Variants in PCDHGB7 observed in about 807,000 individuals in gnomAD.
The protein encoded by PCDHGB7 is protocadherin gamma subfamily B, 7, also known as protocadherin gamma-B7.
PCDHGB7 carries 37 observed loss-of-function variants against 61.4 expected under a neutral mutation model. The ratio of observed to expected loss-of-function variants is 0.60; its 90% CI spans 0.46 to 0.79. The LOEUF (loss-of-function observed/expected upper bound fraction) is 0.79. Ranked by LOEUF, PCDHGB7 falls within the 30% of genes least tolerant of loss-of-function variation. The pLI is 0.00. For synonymous variants in PCDHGB7, 464 were observed against 503.5 expected (o/e 0.92, Z 1.05); for missense variants, 1,166 against 1,202.5 (o/e 0.97, Z 0.45).
Position 141,489,343 on chromosome 5 carries a change from G to A in PCDHGB7, c.2416-5464G>A, listed in dbSNP as rs377697321. On this transcript the variant is annotated intron_variant, in intron 1 of 3. Coordinates refer to ENST00000398594, the MANE Select transcript of PCDHGB7 (RefSeq NM_018927.4). This position sits in a 1 kb window ranked among gnomAD's most constrained non-coding sequence, Gnocchi z 4.5. ...GGTGTCTGGGCAGCTTCGTTACTCA[G>A]TGGTGGAGGAGTCTGAGCCGGGGAC... The A allele has an allele frequency of 5.6e-6, 9 of 1,611,264 alleles. No individual in the cohort carries two copies. Among genetic ancestry groups the A allele is most frequent in the Non-Finnish European group, 7.6e-6 (9 of 1,178,202 alleles).
chr5:141,454,796 ATTTTTTTTTTTTTTTTTT>A (rs61612330), intron 1 of PCDHGB7, among the ~76,000 whole-genome samples: 1 of 77,408 alleles, frequency 1.3e-5, no homozygotes, highest in Non-Finnish European at 2.3e-5. Flanking sequence ...CATGGTTCTA[ATTTTTTTTTTTTTTTTTT>A]TTTTTTTTTT....
At chr5:141,436,105 A>G (rs2097796181) in intron 1 of PCDHGB7, among the ~76,000 whole-genome samples, 2 of 152,198 alleles carry the variant, frequency 1.3e-5, no homozygotes, top group African/African-American at 4.8e-5. Context: ...GAAATAGAGG[A>G]CAATGAAACC....
At position 141,485,671 on chromosome 5, in the gene PCDHGB7, G is replaced by T; in HGVS notation, c.2416-9136G>T. On this transcript the variant is annotated intron_variant, in intron 1 of 3. Coordinates refer to ENST00000398594, the MANE Select transcript of PCDHGB7 (RefSeq NM_018927.4). This position sits in a 1 kb window ranked among gnomAD's most constrained non-coding sequence, Gnocchi z 5.7. The stretch of plus-strand genomic sequence containing the variant: ...AGGATGCAGATGTGGGGAGCAATTC[G>T]ATTAGCAGCTATAGGCTGAGCTCCA... 6.2e-7 allele frequency: 1 copy of T among 1,612,860 alleles called. No homozygotes were observed. The highest frequency in any genetic ancestry group is 8.5e-7 in the Non-Finnish European group (1 of 1,179,040).
chr5:141,426,768 G>A (rs2096959269), intron 1 of PCDHGB7: 1 of 456,516 alleles, frequency 2.2e-6, no homozygotes, highest in Non-Finnish European at 4.4e-6. Flanking sequence ...TGCAGATGTA[G>A]GGCCTCACTC....
intron 1 of PCDHGB7, among the ~76,000 whole-genome samples, chr5:141,444,466 C>A (rs539222916): frequency 1.3e-5 from 2 of 151,982 alleles, no homozygotes; most frequent in African/African-American, 4.8e-5. Flanking sequence ...TCACTGCGCC[C>A]GGTCGCGTAC....
At chr5:141,464,976 A>G (rs2154568682) in intron 1 of PCDHGB7, among the ~76,000 whole-genome samples, 1 of 152,214 alleles carries the variant, frequency 6.6e-6, no homozygotes, top group East Asian at 1.9e-4. Flanking sequence ...TACTGGCTTC[A>G]AGTGATCCTC....
rs2154594699 is a variant in PCDHGB7 at position 141,512,507 on chromosome 5, C to T, written c.*1334C>T. 6.5e-6 allele frequency: 1 copy of T among 153,048 alleles called. No individual in the cohort carries two copies. Among genetic ancestry groups the T allele is most frequent in the South Asian group, 2.1e-4 (1 of 4,836 alleles). 9.5% of individuals were successfully genotyped at this position (153,048 alleles called of 1,614,324 possible). ...CACTGCCCAGGTCCCCAGTGCGCCCCCTAGTGGCCATAGCCTGGTTAAAGT... is the reference window on the plus strand; with the variant it reads ...CACTGCCCAGGTCCCCAGTGCGCCCTCTAGTGGCCATAGCCTGGTTAAAGT... On this transcript the variant is annotated 3_prime_UTR_variant, in exon 4 of 4. Transcript: ENST00000398594.
intron 1 of PCDHGB7, among the ~76,000 whole-genome samples, chr5:141,481,555 C>T (rs1013876865): frequency 3.3e-5 from 5 of 152,164 alleles, no homozygotes; most frequent in South Asian, 2.1e-4. Flanking sequence ...CAGTGGCTCA[C>T]GCCTGTAATC....
intron 1 of PCDHGB7, chr5:141,426,585 T>C (rs2096944493): frequency 2.8e-6 from 1 of 358,848 alleles, no homozygotes; most frequent in African/African-American, 2.1e-5. Flanking sequence ...CAAAATCCTC[T>C]GTGTCATACC....
chr5:141,486,421 G>A lies in PCDHGB7; in HGVS notation c.2416-8386G>A, dbSNP rs772631503. ...TGACTGCTGGACCCTTGGATCGAGA[G>A]GCCAAATCTAGCTATGACATCATGG... On this transcript the variant is annotated intron_variant, in intron 1 of 3. Coordinates refer to ENST00000398594, the MANE Select transcript of PCDHGB7 (RefSeq NM_018927.4). This position sits in a 1 kb window ranked among gnomAD's most constrained non-coding sequence, Gnocchi z 5.0. 2.5e-6 allele frequency: 4 copies of A among 1,614,152 alleles called. No homozygotes were observed. In the East Asian group the frequency reaches 6.7e-5, roughly 27 times the overall value.
chr5:141,430,882 A>G, intron 1 of PCDHGB7: 3 of 1,601,068 alleles, frequency 1.9e-6, no homozygotes, highest in Non-Finnish European at 2.6e-6. Context: ...AGCTGGAGAA[A>G]GGCTCTAGGG....
rs888457230 is a variant in PCDHGB7, at chr5:141,493,727, C to T, written c.2416-1080C>T. On this transcript the variant is annotated intron_variant, in intron 1 of 3. Transcript: ENST00000398594. This position sits in a 1 kb window ranked among gnomAD's most constrained non-coding sequence, Gnocchi z 4.3. ...TGGAATGCTAGGTTTCTGGGTTCTG[C>T]TCATATCACTGCCACCTGTGAGCCT... Among the ~76,000 whole-genome samples, 2 of 152,184 alleles carry T rather than the reference C, an allele frequency of 1.3e-5. No homozygotes were observed. Among genetic ancestry groups the T allele is most frequent in the Admixed American group, 6.5e-5 (1 of 15,280 alleles).
At chr5:141,500,340 C>A (rs188966393) in intron 2 of PCDHGB7, among the ~76,000 whole-genome samples, 92 of 152,066 alleles carry the variant, frequency 6.0e-4, no homozygotes, top group African/African-American at 2.1e-3. Flanking sequence ...TCCAGAATAG[C>A]TGGGACTACA....
intron 1 of PCDHGB7, chr5:141,427,590 C>G (rs768990626): frequency 5.9e-6 from 4 of 678,892 alleles, no homozygotes; most frequent in Non-Finnish European, 1.1e-5. Flanking sequence ...CAGCACAAGC[C>G]TCACCCTACG....
Position 141,485,274 on chromosome 5 carries a change from C to G in PCDHGB7, c.2416-9533C>G. 2 of 1,614,106 alleles carry G rather than the reference C, an allele frequency of 1.2e-6. No homozygotes were observed. Among genetic ancestry groups the G allele is most frequent in the Non-Finnish European group, 1.7e-6 (2 of 1,179,964 alleles). On this transcript the variant is annotated intron_variant, in intron 1 of 3. Transcript: ENST00000398594. The surrounding 1 kb of genome is among the most constrained non-coding windows in gnomAD (Gnocchi z 5.7). ...TACGTTTGTGGGCAGATCCGCTACC[C>G]GGTCCCAGAGGAGTCACAGGAAGGG...
intron 1 of PCDHGB7, chr5:141,421,199 A>C (rs991814876): frequency 2.0e-6 from 3 of 1,514,716 alleles, no homozygotes; most frequent in Non-Finnish European, 2.6e-6. Context: ...CAGCTCGAGA[A>C]ACCGCGGAAT....
chr5:141,502,446 C>T (rs541278139), intron 2 of PCDHGB7, among the ~76,000 whole-genome samples: 1 of 152,098 alleles, frequency 6.6e-6, no homozygotes, highest in South Asian at 2.1e-4. Context: ...ATTCAGATTA[C>T]ACACCTTGGT....
At chr5:141,503,736 T>C (rs1381045077) in intron 2 of PCDHGB7, among the ~76,000 whole-genome samples, 4 of 152,202 alleles carry the variant, frequency 2.6e-5, no homozygotes, top group African/African-American at 9.6e-5. Context: ...TTTGTTGTGA[T>C]GGTATAGAGG....
At chr5:141,479,003 C>A (rs2099485569) in intron 1 of PCDHGB7, among the ~76,000 whole-genome samples, 1 of 152,176 alleles carries the variant, frequency 6.6e-6, no homozygotes, top group African/African-American at 2.4e-5. Flanking sequence ...AAACTAATAG[C>A]TTTTTGATAA....
Sources: allele counts gnomAD v4.1 joint callset (sites outside exome capture counted in the v4.1 genomes callset), GRCh38; gene constraint gnomAD v4.1.1; non-coding constraint Gnocchi (gnomAD v3.1); transcripts MANE v1.5; gene names NCBI Gene and HGNC (gene_info 2026-07-23, HGNC 2026-07-21).